KRABD3: variants seen among roughly 807,000 people sequenced by gnomAD.
The protein encoded by KRABD3 is KRAB domain-containing protein 3.
chr7:149,718,513 CTTTTTT>C, the KRABD3 span, among the ~76,000 whole-genome samples: 1 of 81,970 alleles, frequency 1.2e-5, no homozygotes, highest in Non-Finnish European at 2.2e-5. Flanking sequence ...CACTGAAGGA[CTTTTTT>C]TTTTTTTTTT....
chr7:149,721,077 G>A, the KRABD3 span: 1 of 1,495,936 alleles, frequency 6.7e-7, no homozygotes, highest in Non-Finnish European at 9.0e-7. Context: ...CTGCATGTGG[G>A]CTTGCAGGCA....
At chr7:149,733,761 C>T in the KRABD3 span, 1 of 1,591,850 alleles carries the variant, frequency 6.3e-7, no homozygotes, top group Admixed American at 1.7e-5. Flanking sequence ...CAGCTGCTGT[C>T]CTCTACACCC....
chr7:149,729,480 T>G, the KRABD3 span: 4 of 1,279,980 alleles, frequency 3.1e-6, no homozygotes, highest in South Asian at 8.7e-5. Context: ...CTCTCATCCT[T>G]TCCCCAGAGG....
At chr7:149,732,523 A>G in the KRABD3 span, among the ~76,000 whole-genome samples, 1 of 152,190 alleles carries the variant, frequency 6.6e-6, no homozygotes, top group African/African-American at 2.4e-5. The surrounding 1 kb of genome is among the most constrained non-coding windows in gnomAD (Gnocchi z 4.0). Flanking sequence ...CAGGTTAGGA[A>G]TGGCAGGTGC....
At chr7:149,719,427 C>A in the KRABD3 span, 1 of 1,061,796 alleles carries the variant, frequency 9.4e-7, no homozygotes, top group Non-Finnish European at 1.3e-6. The surrounding 1 kb of genome is among the most constrained non-coding windows in gnomAD (Gnocchi z 5.6). Flanking sequence ...CATGTCAGAC[C>A]CTGGCTATTA....
chr7:149,731,586 A>AGTTTGATATTGTTTT, the KRABD3 span: 2 of 969,418 alleles, frequency 2.1e-6, no homozygotes. Context: ...AAAAGTTGAG[A>AGTTTGATATTGTTTT]GTTTGATATT....
At chr7:149,719,469 G>T in the KRABD3 span, 7 of 1,469,862 alleles carry the variant, frequency 4.8e-6, no homozygotes, top group Non-Finnish European at 6.3e-6. This position sits in a 1 kb window ranked among gnomAD's most constrained non-coding sequence, Gnocchi z 5.6. Context: ...GCCTAGGTGG[G>T]GTTACCAAGT....
chr7:149,721,467 C>G, the KRABD3 span: 1 of 1,613,102 alleles, frequency 6.2e-7, no homozygotes, highest in Non-Finnish European at 8.5e-7. Context: ...CTGGCCACCA[C>G]GCCCACCGAC....
chr7:149,722,942 GC>G, the KRABD3 span: 1 of 1,599,378 alleles, frequency 6.3e-7, no homozygotes, highest in Non-Finnish European at 8.5e-7. Flanking sequence ...GGGCCTGGGA[GC>G]CCGCCCTGGG....
chr7:149,730,384 G>T, the KRABD3 span: 2 of 1,557,892 alleles, frequency 1.3e-6, no homozygotes, highest in Non-Finnish European at 8.7e-7. Flanking sequence ...TGTGTGCCAG[G>T]GCGCCAGTCA....
chr7:149,719,671 G>A, the KRABD3 span: 6 of 1,606,404 alleles, frequency 3.7e-6, no homozygotes, highest in African/African-American at 8.1e-5. The surrounding 1 kb of genome is among the most constrained non-coding windows in gnomAD (Gnocchi z 5.6). Context: ...TGGTCTCTGT[G>A]GGTAAGGACG....
the KRABD3 span, chr7:149,725,463 G>A: frequency 1.2e-6 from 2 of 1,610,990 alleles, no homozygotes; most frequent in East Asian, 2.2e-5. Flanking sequence ...AGCCTGAACT[G>A]CAACCCCACA....
At chr7:149,729,641 C>T in the KRABD3 span, 1 of 985,480 alleles carries the variant, frequency 1.0e-6, no homozygotes, top group Non-Finnish European at 1.2e-6. Flanking sequence ...GGGGCTCCCG[C>T]CGTCCACTGC....
chr7:149,719,670 T>TG, the KRABD3 span: 1 of 1,604,634 alleles, frequency 6.2e-7, no homozygotes, highest in Non-Finnish European at 8.5e-7. The surrounding 1 kb of genome is among the most constrained non-coding windows in gnomAD (Gnocchi z 5.6). Context: ...CTGGTCTCTG[T>TG]GGGTAAGGAC....
the KRABD3 span, chr7:149,731,782 C>G: frequency 6.3e-7 from 1 of 1,599,198 alleles, no homozygotes; most frequent in Non-Finnish European, 8.5e-7. Flanking sequence ...TGCAGGTGAA[C>G]TGGTGGCTTC....
chr7:149,727,611 C>T, the KRABD3 span, among the ~76,000 whole-genome samples: 1 of 152,150 alleles, frequency 6.6e-6, no homozygotes, highest in Non-Finnish European at 1.5e-5. Flanking sequence ...TTTCATGTTC[C>T]TTGGCCACTA....
the KRABD3 span, chr7:149,719,756 TAGTC>T: frequency 6.8e-7 from 1 of 1,466,762 alleles, no homozygotes; most frequent in Non-Finnish European, 9.2e-7. The surrounding 1 kb of genome is among the most constrained non-coding windows in gnomAD (Gnocchi z 5.6). Flanking sequence ...CCGGCAGCCT[TAGTC>T]TTTCCACCTG....
the KRABD3 span, chr7:149,733,633 G>C: frequency 6.3e-7 from 1 of 1,591,090 alleles, no homozygotes. Context: ...GCCAGGGAGA[G>C]AGCTGCAGGG....
chr7:149,729,933 C>A, the KRABD3 span: 2 of 1,271,830 alleles, frequency 1.6e-6, no homozygotes, highest in Non-Finnish European at 2.0e-6. Context: ...AGTTCCCCAG[C>A]AGACTTTCCA....
Sources: gnomAD v4.1 joint callset for allele counts (sites outside exome capture counted in the v4.1 genomes callset) on GRCh38, gnomAD v4.1.1 for gene constraint, Gnocchi (gnomAD v3.1) non-coding constraint, MANE v1.5 for transcripts, NCBI Gene and HGNC (gene_info 2026-07-23, HGNC 2026-07-21) for gene names.